Variants in CDADC1 observed in about 807,000 individuals in gnomAD.
CDADC1 encodes the protein dCTP deaminase.
A neutral mutation model predicts 54.9 loss-of-function variants in CDADC1; 39 were observed. The ratio of observed to expected loss-of-function variants is 0.71; its 90% CI spans 0.55 to 0.93. The LOEUF (loss-of-function observed/expected upper bound fraction) is 0.93. Among genes scored for constraint, CDADC1 ranks in the 40% least tolerant of loss-of-function variants. The probability of loss-of-function intolerance (pLI) is 0.00; values close to 1 mark genes in which losing one functional copy is unlikely to be tolerated. For missense variants in CDADC1, 518 were observed against 618.8 expected (o/e 0.84, Z 1.73); for synonymous variants, 186 against 204.0 (o/e 0.91, Z 0.75).
chr13:49,287,989 A>G (rs1953572181), intron 9 of CDADC1, among the ~76,000 whole-genome samples: 2 of 151,968 alleles, frequency 1.3e-5, no homozygotes, highest in South Asian at 2.1e-4. Context: ...AAAAAAAAAA[A>G]AGATATCACT....
In CDADC1 at chr13:49,259,368, T is replaced by C; in HGVS notation, c.275T>C (p.Val92Ala). The change falls in exon 4 of 10, where the codon GTG becomes GCG. Residue 92 changes from valine (V) to alanine (A), a missense_variant. By Grantham distance (64) the Val-to-Ala change is moderately conservative. Transcript: ENST00000251108. The part of the protein sequence containing the change: ...KRQVKRTGLV[V>A]VKNMKIVGLH... ...TAGGTAAAGAGAACTGGTCTTGTGG[T>C]GGTGAAAAACATGAAAATTGTTGGT... 1 of 1,612,686 alleles carries C rather than the reference T, an allele frequency of 6.2e-7. No individual in the cohort carries two copies. The highest frequency in any genetic ancestry group is 8.5e-7 in the Non-Finnish European group (1 of 1,179,046).
At chr13:49,249,612 T>A (rs912605249) in intron 2 of CDADC1, among the ~76,000 whole-genome samples, 3 of 152,116 alleles carry the variant, frequency 2.0e-5, no homozygotes, top group African/African-American at 7.2e-5. Flanking sequence ...TATCCGCCTG[T>A]AGTCCCAGTT....
Position 49,291,730 on chromosome 13 carries a change from C to G in CDADC1, c.1518C>G (p.Asp506Glu). The change falls in exon 10 of 10, where the codon GAC (aspartate) becomes GAG (glutamate). Residue 506 changes from aspartate (D) to glutamate (E), a missense_variant. Asp to Glu is a conservative substitution (Grantham distance 45). Transcript: ENST00000251108. ...PVPQKEEQHQ[D>E]KKLRLGIH ...CACAGAAGGAAGAGCAGCACCAGGACAAGAAGCTGCGCCTCGGAATCCACT... is the reference window on the plus strand; with the variant it reads ...CACAGAAGGAAGAGCAGCACCAGGAGAAGAAGCTGCGCCTCGGAATCCACT... 1 of 1,614,098 alleles carries G rather than the reference C, an allele frequency of 6.2e-7. No individual in the cohort carries two copies. Among genetic ancestry groups the G allele is most frequent in the Middle Eastern group, 1.7e-4 (1 of 6,060 alleles).
At chr13:49,282,787 TGA>T (rs1953387048) in intron 8 of CDADC1, among the ~76,000 whole-genome samples, 1 of 152,272 alleles carries the variant, frequency 6.6e-6, no homozygotes, top group Admixed American at 6.5e-5. Context: ...GATTCTCATG[TGA>T]GTGTGAACCC....
chr13:49,267,842 G>A lies in CDADC1; in HGVS notation c.783G>A (p.Glu261=). 2 of 1,613,894 alleles carry A rather than the reference G, an allele frequency of 1.2e-6. No individual in the cohort carries two copies. Among genetic ancestry groups the A allele is most frequent in the South Asian group, 1.1e-5 (1 of 91,074 alleles). ...AAATACTGATGACTATAGGTTTGGA[G>A]AACCTGTGTGAAAATCCATACTTTA... is the stretch of plus-strand genomic sequence containing the variant. ...HKQILMTIGL[E]NLCENPYFSN... The change falls in exon 5 of 10, where the codon GAG becomes GAA. Residue 261 remains glutamate (E), a synonymous_variant. Transcript: ENST00000251108.
chr13:49,258,379 G>T (rs545972670), intron 3 of CDADC1, among the ~76,000 whole-genome samples: 1 of 152,322 alleles, frequency 6.6e-6, no homozygotes, highest in East Asian at 1.9e-4. Context: ...CCTTACTTCA[G>T]AGGCTTTTGC....
Position 49,275,566 on chromosome 13 carries a change from T to C in CDADC1, c.1050+1226T>C, listed in dbSNP as rs570326893. Among the ~76,000 whole-genome samples, 44 of 150,994 alleles carry C rather than the reference T, an allele frequency of 2.9e-4. No homozygotes were observed. The South Asian group carries it at 9.0e-3, about 31-fold the overall frequency. On this transcript the variant is annotated intron_variant, in intron 6 of 9. Transcript: ENST00000251108. Reference sequence around the variant, plus strand: ...GTAAGCAACAAAGTGGACGGGACCATGAAGAACTCTATATTCCATGTAAAG... The same window carrying C: ...GTAAGCAACAAAGTGGACGGGACCACGAAGAACTCTATATTCCATGTAAAG...
intron 8 of CDADC1, among the ~76,000 whole-genome samples, chr13:49,284,719 G>C (rs1161596368): frequency 6.6e-6 from 1 of 152,062 alleles, no homozygotes; most frequent in Non-Finnish European, 1.5e-5. Flanking sequence ...TCCCTTTCCA[G>C]GGACTTTTAA....
intron 9 of CDADC1, among the ~76,000 whole-genome samples, chr13:49,288,083 A>T (rs1953575616): frequency 6.6e-6 from 1 of 152,126 alleles, no homozygotes; most frequent in African/African-American, 2.4e-5. Context: ...AGGATTTATT[A>T]TTCCTAGATT....
chr13:49,268,085 G>A, intron 5 of CDADC1, 26 bp downstream of exon 5: 1 of 1,545,770 alleles, frequency 6.5e-7, no homozygotes, highest in South Asian at 1.1e-5. Flanking sequence ...CGTAAATTGG[G>A]GCTGATTGGT....
chr13:49,251,090 C>T (rs1390525918), intron 2 of CDADC1, among the ~76,000 whole-genome samples: 2 of 151,634 alleles, frequency 1.3e-5, no homozygotes, highest in Non-Finnish European at 2.9e-5. Flanking sequence ...TTTGAAGAGC[C>T]AGATTAGAAA....
chr13:49,287,119 A>T (rs997482758), intron 9 of CDADC1, among the ~76,000 whole-genome samples: 1 of 152,252 alleles, frequency 6.6e-6, no homozygotes, highest in Non-Finnish European at 1.5e-5. Flanking sequence ...TGAATCCAGG[A>T]GGTGGAGTTT....
At chr13:49,269,897 A>G (rs1198265556) in intron 5 of CDADC1, among the ~76,000 whole-genome samples, 1 of 152,262 alleles carries the variant, frequency 6.6e-6, no homozygotes. Context: ...TTATAAGTAT[A>G]TCCACTATTG....
chr13:49,263,210 A>T (rs960827850), intron 4 of CDADC1, among the ~76,000 whole-genome samples: 1 of 152,246 alleles, frequency 6.6e-6, no homozygotes, highest in Non-Finnish European at 1.5e-5. Flanking sequence ...TGTCACTTTC[A>T]GATAAACAAC....
At chr13:49,284,615 A>T (rs987924338) in intron 8 of CDADC1, among the ~76,000 whole-genome samples, 5 of 152,028 alleles carry the variant, frequency 3.3e-5, no homozygotes, top group African/African-American at 1.2e-4. Flanking sequence ...GTAATTTCTC[A>T]TGTAGCTTCC....
chr13:49,265,602 T>C (rs1308372655), intron 4 of CDADC1, among the ~76,000 whole-genome samples: 1 of 152,134 alleles, frequency 6.6e-6, no homozygotes, highest in African/African-American at 2.4e-5. Flanking sequence ...TTTTGGAAAA[T>C]AGTTTTTTTC....
intron 6 of CDADC1, among the ~76,000 whole-genome samples, chr13:49,274,595 C>T (rs986791008): frequency 2.7e-4 from 41 of 151,812 alleles, no homozygotes; most frequent in Admixed American, 4.6e-4. Context: ...GGTGTGAACC[C>T]GGGAGGCCGA....
At chr13:49,248,755 C>G (rs1336983764) in intron 1 of CDADC1, 116 bp from the exon 2 acceptor site, 1 of 708,722 alleles carries the variant, frequency 1.4e-6, no homozygotes, top group East Asian at 2.5e-5. Context: ...CTATCTTTTT[C>G]TGTGCCTCTT....
chr13:49,275,087 CTTTTT>C (rs68165171), intron 6 of CDADC1, among the ~76,000 whole-genome samples: 1 of 137,972 alleles, frequency 7.2e-6, no homozygotes, highest in African/African-American at 2.7e-5. Context: ...GGTGAACATT[CTTTTT>C]TTTTTTTTTT....
Sources: gnomAD v4.1 joint callset for allele counts (sites outside exome capture counted in the v4.1 genomes callset) on GRCh38, gnomAD v4.1.1 for gene constraint, MANE v1.5 for transcripts, NCBI Gene and HGNC (gene_info 2026-07-23, HGNC 2026-07-21) for gene names.